The following C17orf67 variants were observed in gnomAD, a reference collection of about 807,000 sequenced individuals.
The protein encoded by C17orf67 is chromosome 17 open reading frame 67.
A neutral mutation model predicts 11.2 loss-of-function variants in C17orf67; 12 were observed. The ratio of observed to expected loss-of-function variants is 1.07; its 90% CI spans 0.68 to 1.73. C17orf67 has a LOEUF of 1.73. Ranked by LOEUF, C17orf67 falls within the 40% of genes most tolerant of loss-of-function variation. The pLI is 0.00. For missense variants in C17orf67, 115 were observed against 113.5 expected (o/e 1.01, Z -0.06); for synonymous variants, 59 against 46.9 (o/e 1.26, Z -1.05).
chr17:56,802,228 T>C (rs1467671900), intron 6 of C17orf67, among the ~76,000 whole-genome samples: 1 of 152,162 alleles, frequency 6.6e-6, no homozygotes, highest in Non-Finnish European at 1.5e-5. Context: ...TGGTTGAGTT[T>C]CATCAGTGGG....
At chr17:56,810,597 A>T (rs1905599540) in intron 6 of C17orf67, among the ~76,000 whole-genome samples, 1 of 152,230 alleles carries the variant, frequency 6.6e-6, no homozygotes. Context: ...AGAAACAGGG[A>T]GGGTGAGGAG....
intron 6 of C17orf67, among the ~76,000 whole-genome samples, chr17:56,803,532 G>C (rs1476749046): frequency 1.3e-5 from 2 of 152,182 alleles, no homozygotes; most frequent in African/African-American, 2.4e-5. Flanking sequence ...AGTGACCAAA[G>C]TATATCTGGT....
intron 6 of C17orf67, chr17:56,803,846 A>G (rs958548735): frequency 2.0e-5 from 3 of 152,266 alleles, no homozygotes; most frequent in African/African-American, 7.2e-5. Flanking sequence ...ACTGGTTTCC[A>G]TGACATTTCA....
chr17:56,808,398 T>A (rs1045583734), intron 6 of C17orf67, among the ~76,000 whole-genome samples: 3 of 152,204 alleles, frequency 2.0e-5, no homozygotes, highest in African/African-American at 7.2e-5. Context: ...CCTTGGGTTC[T>A]ACCTTCCCAC....
At chr17:56,827,346 T>C (rs970611250) in intron 2 of C17orf67, among the ~76,000 whole-genome samples, 13 of 152,180 alleles carry the variant, frequency 8.5e-5, no homozygotes, top group Admixed American at 2.6e-4. Context: ...ACAGGCAGAA[T>C]GGTGGGGTGT....
At position 56,807,044 on chromosome 17, in the gene C17orf67, G is replaced by C. The variant is rs1033319442; in HGVS notation, c.156+7825C>G. Among the ~76,000 whole-genome samples, 3 of 152,348 alleles carry C rather than the reference G, an allele frequency of 2.0e-5. No individual in the cohort carries two copies. In the East Asian group the frequency reaches 5.8e-4, roughly 29 times the overall value. On this transcript the variant is annotated intron_variant, in intron 6 of 7. Coordinates refer to ENST00000397861, the MANE Select transcript of C17orf67 (RefSeq NM_001085430.4). ...ATTCCAGTACAAACAGTGGTGTGGA[G>C]TAGACAGTCATGTAAATGACCAGGA...
intron 6 of C17orf67, among the ~76,000 whole-genome samples, chr17:56,803,179 A>C (rs1244222464): frequency 3.9e-5 from 6 of 152,262 alleles, no homozygotes; most frequent in African/African-American, 1.4e-4. Flanking sequence ...AAGGAAAAGC[A>C]TGTGTGCAAT....
chr17:56,800,597 G>A, intron 6 of C17orf67, among the ~76,000 whole-genome samples: 1 of 152,100 alleles, frequency 6.6e-6, no homozygotes, highest in East Asian at 1.9e-4. Context: ...GGCTTCCAAA[G>A]CACCTGTTGT....
intron 2 of C17orf67, among the ~76,000 whole-genome samples, chr17:56,829,005 C>T (rs1013077919): frequency 1.3e-5 from 2 of 152,176 alleles, no homozygotes; most frequent in Non-Finnish European, 2.9e-5. Context: ...CCCAGCGGGG[C>T]ACAGCTGCTC....
chr17:56,823,669 A>T (rs967077583), intron 4 of C17orf67, among the ~76,000 whole-genome samples: 1 of 135,954 alleles, frequency 7.4e-6, no homozygotes, highest in Admixed American at 8.1e-5. Flanking sequence ...GGAAAGTTTT[A>T]AAAAAACAAG....
At chr17:56,795,238 A>G in intron 6 of C17orf67, 58 bp from the exon 7 acceptor site, 1 of 1,498,526 alleles carries the variant, frequency 6.7e-7, no homozygotes, top group South Asian at 1.1e-5. Flanking sequence ...CAAGGGATCA[A>G]TATGCGTGGT....
At chr17:56,809,815 C>A (rs1398701780) in intron 6 of C17orf67, among the ~76,000 whole-genome samples, 1 of 138,826 alleles carries the variant, frequency 7.2e-6, no homozygotes, top group African/African-American at 2.7e-5. Context: ...CTTACACATA[C>A]ACCCTCACAC....
intron 2 of C17orf67, among the ~76,000 whole-genome samples, chr17:56,827,288 A>G (rs1171233531): frequency 6.6e-6 from 1 of 152,152 alleles, no homozygotes; most frequent in African/African-American, 2.4e-5. Flanking sequence ...TTCTCCCTCT[A>G]AGTGATCATA....
At chr17:56,821,073 C>T (rs962647484) in intron 4 of C17orf67, among the ~76,000 whole-genome samples, 1 of 151,978 alleles carries the variant, frequency 6.6e-6, no homozygotes, top group Non-Finnish European at 1.5e-5. Flanking sequence ...CCATGCCCAG[C>T]TAATTATTTT....
Position 56,815,861 on chromosome 17 carries a change from C to A in C17orf67, c.-51G>T. On this transcript the variant is annotated 5_prime_UTR_variant, in exon 5 of 8. It removes the in-frame stop codon of an upstream open reading frame in the 5' UTR. Coordinates refer to ENST00000397861, the MANE Select transcript of C17orf67 (RefSeq NM_001085430.4). ...CTGAGTGAATCCTCCCAGACTGAGT[C>A]AGCCAACTTGAAGGAAGCCATGCCA... The A allele has an allele frequency of 6.2e-7, 1 of 1,612,094 alleles. No homozygotes were observed. The highest frequency in any genetic ancestry group is 1.1e-5 in the South Asian group (1 of 90,994).
chr17:56,821,536 C>T (rs1456308302), intron 4 of C17orf67, among the ~76,000 whole-genome samples: 1 of 152,212 alleles, frequency 6.6e-6, no homozygotes, highest in African/African-American at 2.4e-5. Flanking sequence ...ACTGTTATCT[C>T]TCACCCAGCA....
Position 56,795,029 on chromosome 17 carries a change from G to C in C17orf67, c.*20+15C>G. 6.4e-7 allele frequency: 1 copy of C among 1,560,084 alleles called. No individual in the cohort carries two copies. The highest frequency in any genetic ancestry group is 1.7e-5 in the Admixed American group (1 of 59,922). ...CTCCCTCAGACAGAGGTCCGGGAGA[G>C]AGAAGGAGACGTACCGAGGCTGGTC... On this transcript the variant is annotated intron_variant, in intron 7 of 7. Transcript: ENST00000397861.
chr17:56,810,156 A>ACT (rs1555592044), intron 6 of C17orf67, among the ~76,000 whole-genome samples: 1 of 102,256 alleles, frequency 9.8e-6, no homozygotes, highest in African/African-American at 3.9e-5. Flanking sequence ...CACCCCTCAC[A>ACT]CCCCCACCTC....
rs118190767 is a variant in C17orf67 at position 56,798,029 on chromosome 17, G to A, written c.157-2849C>T. Among the ~76,000 whole-genome samples the A allele has an allele frequency of 6.3e-3, 956 of 151,642 alleles. 6 individuals carry two copies. Among genetic ancestry groups the A allele is most frequent in the Middle Eastern group, 0.017 (5 of 294 alleles). On this transcript the variant is annotated intron_variant, in intron 6 of 7. Coordinates refer to ENST00000397861, the MANE Select transcript of C17orf67 (RefSeq NM_001085430.4). Reference sequence around the variant, plus strand: ...TTCTAGTGCAATCTCTGGCCTACAGGTACTGCCTATCATACTGAAGGTGGT... The same window carrying A: ...TTCTAGTGCAATCTCTGGCCTACAGATACTGCCTATCATACTGAAGGTGGT...
Sources: gnomAD v4.1 joint callset for allele counts (sites outside exome capture counted in the v4.1 genomes callset) on GRCh38, gnomAD v4.1.1 for gene constraint, MANE v1.5 for transcripts, NCBI Gene and HGNC (gene_info 2026-07-23, HGNC 2026-07-21) for gene names.